Variants in EYS observed in about 807,000 individuals in gnomAD.
The protein encoded by EYS is EGF-like photoreceptor maintenance factor, also known as protein eyes shut homolog.
A neutral mutation model predicts 282.1 loss-of-function variants in EYS; 250 were observed. That is an observed-to-expected ratio of 0.89 (90% confidence interval 0.80 to 0.98). EYS has a LOEUF of 0.98. EYS is among the 50% of genes least tolerant of loss of function. The pLI is 0.00. For synonymous variants in EYS, 1,355 were observed against 1,282.9 expected (o/e 1.06, Z -1.20); for missense variants, 4,016 against 3,709.0 (o/e 1.08, Z -2.15).
chr6:64,904,278 C>A (rs1325548962), intron 16 of EYS, among the ~76,000 whole-genome samples: 1 of 152,134 alleles, frequency 6.6e-6, no homozygotes, highest in African/African-American at 2.4e-5. Flanking sequence ...ATTCTCAGAG[C>A]CTGCAAATGA....
chr6:65,247,864 A>G (rs72883260), intron 12 of EYS, among the ~76,000 whole-genome samples: 3,004 of 152,182 alleles, frequency 0.02, 47 homozygotes, highest in Middle Eastern at 0.071. Flanking sequence ...ATAGTATCAG[A>G]ATAAAATTTG....
chr6:64,274,020 G>A (rs1002048114), intron 30 of EYS, among the ~76,000 whole-genome samples: 23 of 152,280 alleles, frequency 1.5e-4, no homozygotes, highest in Middle Eastern at 3.4e-3. Context: ...TCCGGATCAC[G>A]TTTCTGCTTA....
chr6:64,780,874 T>G (rs114747355), intron 22 of EYS, among the ~76,000 whole-genome samples: 3,244 of 152,276 alleles, frequency 0.021, 117 homozygotes, highest in African/African-American at 0.074. Context: ...TTTCTAAGAA[T>G]AAATTCACAG....
chr6:63,721,245 G>A lies in EYS; in HGVS notation c.8786C>T (p.Pro2929Leu), dbSNP rs986819755. 2.0e-5 allele frequency: 31 copies of A among 1,551,706 alleles called. No individual in the cohort carries two copies. Among genetic ancestry groups the A allele is most frequent in the Non-Finnish European group, 2.3e-5 (26 of 1,146,968 alleles). Reference sequence around the variant, plus strand: ...GCAACTGTAAGAAAATGATTGGTCAGGTATACATAAAGATTGGTGGAGGCA... The same window carrying A: ...GCAACTGTAAGAAAATGATTGGTCAAGTATACATAAAGATTGGTGGAGGCA... ...NLCLHQSLCIPDQSFSYSCLC... is the reference protein window; with the variant it reads ...NLCLHQSLCILDQSFSYSCLC... The change falls in exon 43 of 43, where the codon CCT (proline) becomes CTT (leucine). Residue 2929 changes from proline (P) to leucine (L), a missense_variant. Coordinates refer to ENST00000503581, the MANE Select transcript of EYS (RefSeq NM_001142800.2).
intron 13 of EYS, among the ~76,000 whole-genome samples, chr6:65,037,695 G>T (rs1409240249): frequency 6.6e-6 from 1 of 151,660 alleles, no homozygotes; most frequent in Admixed American, 6.6e-5. Flanking sequence ...TAGTTGTTAA[G>T]ATTTAAGGAG....
intron 1 of EYS, among the ~76,000 whole-genome samples, chr6:65,669,883 T>C (rs1012722405): frequency 6.6e-6 from 1 of 151,992 alleles, no homozygotes; most frequent in Non-Finnish European, 1.5e-5. Context: ...CTTAGTTTTT[T>C]CTCCTGTAAA....
intron 1 of EYS, among the ~76,000 whole-genome samples, chr6:65,685,398 A>T (rs6904807): frequency 0.35 from 53,674 of 151,962 alleles, 11,977 homozygotes; most frequent in Non-Finnish European, 0.49. Context: ...AGTTTTGTTT[A>T]TATAAACTAG....
chr6:64,564,439 A>C (rs1765498725), intron 26 of EYS, among the ~76,000 whole-genome samples: 1 of 150,884 alleles, frequency 6.6e-6, no homozygotes. Context: ...CACCACGCCC[A>C]GCTATTTTTT....
chr6:64,793,468 T>C lies in EYS; in HGVS notation c.3443+19910A>G, dbSNP rs565924442. ...GGAATGTAAAAACATTGAGTTCCGT[T>C]AGCAGATGAAAAAAATGCTCAAATG... On this transcript the variant is annotated intron_variant, in intron 22 of 42. Transcript: ENST00000503581. Among the ~76,000 whole-genome samples the C allele has an allele frequency of 3.9e-5, 6 of 152,252 alleles. No individual in the cohort carries two copies. In the South Asian group the frequency reaches 1.2e-3, roughly 32 times the overall value.
At chr6:65,460,523 G>A (rs1203374859) in intron 5 of EYS, among the ~76,000 whole-genome samples, 1 of 151,840 alleles carries the variant, frequency 6.6e-6, no homozygotes, top group African/African-American at 2.4e-5. Flanking sequence ...CTTATGACCA[G>A]GCCAGTTGAA....
intron 12 of EYS, among the ~76,000 whole-genome samples, chr6:65,090,255 T>A (rs1774517462): frequency 6.6e-6 from 1 of 151,948 alleles, no homozygotes; most frequent in South Asian, 2.1e-4. Context: ...AATGAGTGAG[T>A]CTCATGAGAT....
intron 12 of EYS, among the ~76,000 whole-genome samples, chr6:65,120,475 A>G (rs1775508461): frequency 6.7e-6 from 1 of 150,260 alleles, no homozygotes. Context: ...AAAAAAAAAA[A>G]AAAAAAAAAT....
At chr6:65,420,162 G>T (rs1014638550) in intron 5 of EYS, among the ~76,000 whole-genome samples, 6 of 151,898 alleles carry the variant, frequency 4.0e-5, no homozygotes, top group African/African-American at 1.4e-4. Flanking sequence ...ATATTTCTCT[G>T]TAGCATGCAA....
At chr6:65,574,471 T>C (rs1167015906) in intron 2 of EYS, among the ~76,000 whole-genome samples, 1 of 151,712 alleles carries the variant, frequency 6.6e-6, no homozygotes, top group Non-Finnish European at 1.5e-5. Context: ...AGAACAGGAG[T>C]AGCTAGCTAT....
At chr6:63,744,975 T>C in intron 41 of EYS, 1 of 435,884 alleles carries the variant, frequency 2.3e-6, no homozygotes, top group South Asian at 1.7e-5. Flanking sequence ...CCACCAAAAA[T>C]GTTGGATAAA....
At chr6:64,313,547 T>A (rs923531491) in intron 29 of EYS, among the ~76,000 whole-genome samples, 1 of 151,902 alleles carries the variant, frequency 6.6e-6, no homozygotes, top group African/African-American at 2.4e-5. Context: ...ACAAAGATAC[T>A]CCTCGAGAAG....
intron 19 of EYS, among the ~76,000 whole-genome samples, chr6:64,850,603 C>T (rs1765852730): frequency 6.6e-6 from 1 of 151,842 alleles, no homozygotes; most frequent in African/African-American, 2.4e-5. Flanking sequence ...AAAAGTGTTA[C>T]AGTATTAGAT....
chr6:64,925,136 G>A (rs1379829634), intron 15 of EYS, among the ~76,000 whole-genome samples: 2 of 152,140 alleles, frequency 1.3e-5, no homozygotes, highest in Admixed American at 1.3e-4. Flanking sequence ...AAAGAATCAT[G>A]GTGGGAGATG....
chr6:65,517,162 A>G (rs1348228826), intron 2 of EYS, among the ~76,000 whole-genome samples: 1 of 151,934 alleles, frequency 6.6e-6, no homozygotes, highest in Admixed American at 6.6e-5. Context: ...AACCAAAGGA[A>G]CTACTGCGTG....
Sources: allele counts gnomAD v4.1 joint callset (sites outside exome capture counted in the v4.1 genomes callset), GRCh38; gene constraint gnomAD v4.1.1; transcripts MANE v1.5; gene names NCBI Gene and HGNC (gene_info 2026-07-23, HGNC 2026-07-21).